Variants in NBEA observed in about 807,000 individuals in gnomAD.
The protein encoded by NBEA is lysosomal-trafficking regulator 2.
In NBEA, 44 loss-of-function variants were observed where a neutral mutation model predicts 343.4. That is an observed-to-expected ratio of 0.13 (90% CI 0.10 to 0.16). The LOEUF (loss-of-function observed/expected upper bound fraction) is 0.16, where lower values mean the gene tolerates loss of function less well. NBEA is among the 10% of genes least tolerant of loss of function. The pLI is 1.00. For missense variants in NBEA, 2,555 were observed against 3,631.3 expected, an observed-to-expected ratio of 0.70 and a Z score of 7.62; for synonymous variants, 1,175 against 1,238.7, an observed-to-expected ratio of 0.95 and a Z score of 1.08.
At chr13:35,204,723 T>C (rs1016797344) in intron 31 of NBEA, among the ~76,000 whole-genome samples, 9 of 152,200 alleles carry the variant, frequency 5.9e-5, no homozygotes, top group African/African-American at 2.2e-4. Context: ...CTGAATAGTT[T>C]AGTTCAATGG....
intron 1 of NBEA, among the ~76,000 whole-genome samples, chr13:34,950,070 T>C (rs2059303366): frequency 6.6e-6 from 1 of 152,178 alleles, no homozygotes; most frequent in African/African-American, 2.4e-5. Context: ...TGATACTCTT[T>C]TAGGGAGTCA....
intron 34 of NBEA, among the ~76,000 whole-genome samples, chr13:35,256,223 A>G (rs2032578683): frequency 6.6e-6 from 1 of 152,100 alleles, no homozygotes; most frequent in Non-Finnish European, 1.5e-5. Context: ...CGGAGAGGAG[A>G]CCCATAGTAG....
chr13:35,206,627 A>G (rs945834409), intron 31 of NBEA, among the ~76,000 whole-genome samples: 1 of 148,374 alleles, frequency 6.7e-6, no homozygotes, highest in Non-Finnish European at 1.5e-5. Context: ...CTTATATCTC[A>G]TAGACAAAAA....
At chr13:35,411,726 G>A (rs1395545165) in intron 38 of NBEA, among the ~76,000 whole-genome samples, 9 of 151,698 alleles carry the variant, frequency 5.9e-5, no homozygotes, top group Non-Finnish European at 1.0e-4. Context: ...TTGAACTCTT[G>A]GGCTCAAGCA....
At chr13:35,442,459 G>A (rs2152938042) in intron 39 of NBEA, among the ~76,000 whole-genome samples, 1 of 152,156 alleles carries the variant, frequency 6.6e-6, no homozygotes, top group Middle Eastern at 3.4e-3. Context: ...TGTGGAGAGA[G>A]TCTGCGTTTA....
At chr13:35,606,340 TTATA>T in intron 47 of NBEA, 82 bp from the exon 48 acceptor site, 1 of 655,394 alleles carries the variant, frequency 1.5e-6, no homozygotes, top group Non-Finnish European at 2.2e-6. Context: ...TTTATTCCAT[TTATA>T]GTTAATAAGT....
At chr13:35,467,396 G>A (rs545137261) in intron 40 of NBEA, among the ~76,000 whole-genome samples, 70 of 151,998 alleles carry the variant, frequency 4.6e-4, no homozygotes, top group Middle Eastern at 3.4e-3. Flanking sequence ...CGCTTAAACC[G>A]GGAGGCGGAG....
At chr13:35,407,409 T>C (rs2043328600) in intron 38 of NBEA, among the ~76,000 whole-genome samples, 1 of 150,878 alleles carries the variant, frequency 6.6e-6, no homozygotes. Flanking sequence ...TTTTTGTTCT[T>C]AAAAAAACTG....
chr13:35,037,737 C>T (rs573243390), intron 1 of NBEA, among the ~76,000 whole-genome samples: 5 of 152,160 alleles, frequency 3.3e-5, no homozygotes, highest in Non-Finnish European at 7.4e-5. Flanking sequence ...GCTGGTATGA[C>T]GTATGGCACA....
intron 45 of NBEA, among the ~76,000 whole-genome samples, chr13:35,573,320 G>A (rs2080536868): frequency 4.6e-5 from 7 of 152,100 alleles, no homozygotes; most frequent in Admixed American, 3.9e-4. Context: ...AGATACAAAG[G>A]CAATAAGACT....
At chr13:35,664,391 T>G (rs899612502) in intron 55 of NBEA, among the ~76,000 whole-genome samples, 1 of 152,096 alleles carries the variant, frequency 6.6e-6, no homozygotes, top group African/African-American at 2.4e-5. Context: ...CAGGCAAGCA[T>G]GCAAAGAACA....
At chr13:35,585,614 G>A (rs2081260310) in intron 46 of NBEA, among the ~76,000 whole-genome samples, 1 of 151,374 alleles carries the variant, frequency 6.6e-6, no homozygotes, top group African/African-American at 2.4e-5. Flanking sequence ...TCTCTTCTTT[G>A]CAAACATTTC....
chr13:35,574,418 G>C (rs973513465), intron 45 of NBEA, among the ~76,000 whole-genome samples: 1 of 136,896 alleles, frequency 7.3e-6, no homozygotes, highest in Admixed American at 7.1e-5. Context: ...AACAAGGAAA[G>C]AAAAAGAAAA....
intron 38 of NBEA, among the ~76,000 whole-genome samples, chr13:35,424,581 G>A (rs1372581920): frequency 1.3e-5 from 2 of 152,166 alleles, no homozygotes; most frequent in Non-Finnish European, 2.9e-5. Context: ...TTGCATCAAT[G>A]TTCATCAAGG....
At chr13:35,201,150 C>A (rs938198756) in intron 31 of NBEA, among the ~76,000 whole-genome samples, 2 of 151,928 alleles carry the variant, frequency 1.3e-5, no homozygotes, top group African/African-American at 4.8e-5. Flanking sequence ...TATTATGCTG[C>A]AAGTGCCCTG....
intron 35 of NBEA, among the ~76,000 whole-genome samples, chr13:35,292,878 A>G (rs934770601): frequency 2.6e-5 from 4 of 152,040 alleles, no homozygotes; most frequent in African/African-American, 4.8e-5. Context: ...TAGACAAGCC[A>G]TTGAAAGATA....
chr13:35,424,410 T>G (rs182290697), intron 38 of NBEA, among the ~76,000 whole-genome samples: 62 of 152,250 alleles, frequency 4.1e-4, no homozygotes, highest in African/African-American at 1.5e-3. Flanking sequence ...AGATAATCAT[T>G]TGGTTTTTGT....
chr13:35,001,231 A>G lies in NBEA; in HGVS notation c.295-39702A>G, dbSNP rs1055994499. Among the ~76,000 whole-genome samples, 15 of 152,328 alleles carry G rather than the reference A, an allele frequency of 9.8e-5. No individual in the cohort carries two copies. In the South Asian group the frequency reaches 2.9e-3, roughly 29 times the overall value. On this transcript the variant is annotated intron_variant, in intron 1 of 58. Coordinates refer to ENST00000379939, the MANE Select transcript of NBEA (RefSeq NM_001385012.1). ...TTATACATGGTTGGTAGGAATGTAC[A>G]TTAATACAACCATTATGGACAACAG...
At chr13:35,353,786 AC>A (rs1385595086) in intron 38 of NBEA, among the ~76,000 whole-genome samples, 11 of 152,324 alleles carry the variant, frequency 7.2e-5, no homozygotes, top group Admixed American at 7.2e-4. Context: ...AATAAAACTT[AC>A]ATAGTATCAC....
Sources: gnomAD v4.1 joint callset for allele counts (sites outside exome capture counted in the v4.1 genomes callset) on GRCh38, gnomAD v4.1.1 for gene constraint, MANE v1.5 for transcripts, NCBI Gene and HGNC (gene_info 2026-07-23, HGNC 2026-07-21) for gene names.